C10orf143: variants seen among roughly 807,000 people sequenced by gnomAD.
C10orf143 encodes chromosome 10 open reading frame 143.
At chr10:130,043,977 C>T (rs1860636594) in intron 3 of C10orf143, among the ~76,000 whole-genome samples, 1 of 150,600 alleles carries the variant, frequency 6.6e-6, no homozygotes, top group Admixed American at 6.6e-5. Flanking sequence ...TGCCCAGGGG[C>T]CTTTGCAGAC....
intron 3 of C10orf143, among the ~76,000 whole-genome samples, chr10:130,041,544 G>A (rs1359184601): frequency 6.6e-6 from 1 of 152,176 alleles, no homozygotes; most frequent in Non-Finnish European, 1.5e-5. Flanking sequence ...CAACTTGATA[G>A]TAAAATGATA....
chr10:130,040,477 G>A (rs1394927360), intron 3 of C10orf143, among the ~76,000 whole-genome samples: 2 of 152,230 alleles, frequency 1.3e-5, no homozygotes, highest in Non-Finnish European at 2.9e-5. Flanking sequence ...CTGCACATCA[G>A]AATAAGGCAG....
chr10:130,067,002 G>A (rs551312478), intron 3 of C10orf143: 9 of 152,196 alleles, frequency 5.9e-5, no homozygotes, highest in East Asian at 5.8e-4. Context: ...ACAATTCCAC[G>A]GAGCAAGAGA....
At chr10:130,092,534 T>C (rs1861398637) in intron 1 of C10orf143, among the ~76,000 whole-genome samples, 4 of 152,136 alleles carry the variant, frequency 2.6e-5, no homozygotes, top group Admixed American at 1.3e-4. Context: ...CTAGCTAGCA[T>C]CATAATGACA....
chr10:130,088,106 G>C (rs1861321600), intron 1 of C10orf143, among the ~76,000 whole-genome samples: 1 of 152,252 alleles, frequency 6.6e-6, no homozygotes, highest in South Asian at 2.1e-4. Flanking sequence ...GAGCTAGCCA[G>C]GTGCAGTGGC....
At chr10:130,064,545 T>A (rs1001211200) in intron 3 of C10orf143, among the ~76,000 whole-genome samples, 162 bp from the exon 4 acceptor site, 1 of 152,012 alleles carries the variant, frequency 6.6e-6, no homozygotes, top group African/African-American at 2.4e-5. Flanking sequence ...TATATTAATA[T>A]ATATTACATT....
At chr10:130,086,769 T>C (rs1023425131) in intron 1 of C10orf143, among the ~76,000 whole-genome samples, 2 of 152,330 alleles carry the variant, frequency 1.3e-5, no homozygotes, top group East Asian at 3.9e-4. Flanking sequence ...AACACAGGAC[T>C]TACTCAAAAG....
At chr10:130,092,605 T>G (rs1440265918) in intron 1 of C10orf143, among the ~76,000 whole-genome samples, 1 of 152,020 alleles carries the variant, frequency 6.6e-6, no homozygotes, top group Admixed American at 6.6e-5. Flanking sequence ...TGCCCCCAAT[T>G]AAAAGACACA....
At chr10:130,063,047 G>A (rs117524784), downstream of C10orf143, among the ~76,000 whole-genome samples, 424 of 152,254 alleles carry the variant, frequency 2.8e-3, no homozygotes, top group Middle Eastern at 6.8e-3. Context: ...GGAGATGGTC[G>A]GTGGAGATGA....
In C10orf143 at chr10:130,075,089, GA is replaced by G. The variant is rs376065385; in HGVS notation, c.297+4476del. 3.2e-3 allele frequency among the ~76,000 whole-genome samples: 462 copies of G among 146,348 alleles called. 4 individuals carry two copies. Among genetic ancestry groups the G allele is most frequent in the African/African-American group, 0.011 (439 of 39,932 alleles). ...TGCTCCTTTGCTATTTGCCCTCAAT[GA>G]AAAAAAAAAGAAAAAAAGATAAGGC... On this transcript the variant is annotated intron_variant, in intron 3 of 3. Coordinates refer to ENST00000637128, the MANE Select transcript of C10orf143 (RefSeq NM_001355042.2).
Position 130,048,789 on chromosome 10 carries a change from A to G in C10orf143, c.298-12819T>C, listed in dbSNP as rs575225643. ...ATAACCATGGCTCACTGTCATCTTG[A>G]ACTCCTGGGCTCAAACAATCCTCCC... On this transcript the variant is annotated intron_variant and NMD_transcript_variant, in intron 3 of 5. Transcript: ENST00000643056. Among the ~76,000 whole-genome samples, 105 of 152,100 alleles carry G rather than the reference A, an allele frequency of 6.9e-4. 1 individual carries two copies. In the South Asian group the frequency reaches 0.021, roughly 31 times the overall value.
Position 130,110,693 on chromosome 10 carries a change from C to T in C10orf143, c.69+11G>A, listed in dbSNP as rs1466793328. 2 of 398,674 alleles carry T rather than the reference C, an allele frequency of 5.0e-6. No homozygotes were observed. Among genetic ancestry groups the T allele is most frequent in the Non-Finnish European group, 8.8e-6 (2 of 226,048 alleles). The allele number at this position is 398,674 out of a possible 1,614,324, so 24.7% of individuals were successfully genotyped here. ...CCTCCCGTCCCTAACGCCCAGGCCCCGGGGGCTCACCACGTCCCCCGGAAC... is the reference window on the plus strand; with the variant it reads ...CCTCCCGTCCCTAACGCCCAGGCCCTGGGGGCTCACCACGTCCCCCGGAAC... On this transcript the variant is annotated intron_variant, in intron 1 of 3. Transcript: ENST00000637128.
At chr10:130,091,238 T>TCGG (rs1446007136) in intron 1 of C10orf143, among the ~76,000 whole-genome samples, 1 of 152,154 alleles carries the variant, frequency 6.6e-6, no homozygotes, top group Non-Finnish European at 1.5e-5. Context: ...GCAGCAATCT[T>TCGG]TGGTGTTCTG....
intron 1 of C10orf143, chr10:130,107,323 G>A: frequency 9.4e-7 from 1 of 1,066,510 alleles, no homozygotes; most frequent in East Asian, 2.4e-5. Context: ...CTAAAGAGCT[G>A]GAGACCTACA....
At chr10:130,108,334 A>G (rs1861698465) in intron 1 of C10orf143, 2 of 1,486,412 alleles carry the variant, frequency 1.3e-6, no homozygotes, top group Non-Finnish European at 1.9e-6. Flanking sequence ...ACCCTCCCCC[A>G]AGACCTGGAT....
chr10:130,074,490 C>T (rs773237473), intron 3 of C10orf143, among the ~76,000 whole-genome samples: 12 of 152,244 alleles, frequency 7.9e-5, no homozygotes, highest in Non-Finnish European at 1.3e-4. Flanking sequence ...CAGGGCACTG[C>T]GCATCGATCT....
At chr10:130,038,081 T>A (rs920809805) in intron 3 of C10orf143, among the ~76,000 whole-genome samples, 3 of 152,148 alleles carry the variant, frequency 2.0e-5, no homozygotes, top group Non-Finnish European at 2.9e-5. Flanking sequence ...GGCCAGAAAC[T>A]TCCACCCTCC....
chr10:130,038,309 ATGT>A (rs1860567917), intron 3 of C10orf143, among the ~76,000 whole-genome samples: 1 of 152,096 alleles, frequency 6.6e-6, no homozygotes, highest in South Asian at 2.1e-4. Flanking sequence ...CCTCAGTTGT[ATGT>A]TGTTTACCGG....
chr10:130,104,915 T>C (rs1275173014), intron 1 of C10orf143: 2 of 152,188 alleles, frequency 1.3e-5, no homozygotes, highest in African/African-American at 4.8e-5. Context: ...TGTGAAGCTT[T>C]GTGGGTATAT....
Sources: allele counts gnomAD v4.1 joint callset (sites outside exome capture counted in the v4.1 genomes callset), GRCh38; gene constraint gnomAD v4.1.1; transcripts MANE v1.5; gene names NCBI Gene and HGNC (gene_info 2026-07-23, HGNC 2026-07-21).